PTPRN2: variants seen among roughly 807,000 people sequenced by gnomAD.
PTPRN2 encodes the protein receptor-type tyrosine-protein phosphatase N2.
A neutral mutation model predicts 118.8 loss-of-function variants in PTPRN2; 74 were observed. That is an observed-to-expected ratio of 0.62 (90% confidence interval 0.52 to 0.76). PTPRN2 has a LOEUF of 0.76. Among genes scored for constraint, PTPRN2 ranks in the 30% least tolerant of loss-of-function variants. The pLI, the probability that PTPRN2 is intolerant of heterozygous loss-of-function variation, is 0.00. For synonymous variants in PTPRN2, 641 were observed against 608.0 expected (o/e 1.05, Z -0.80); for missense variants, 1,481 against 1,394.4 (o/e 1.06, Z -0.99).
intron 3 of PTPRN2, among the ~76,000 whole-genome samples, chr7:158,295,216 G>A (rs34845049): frequency 8.7e-5 from 5 of 57,718 alleles, no homozygotes; most frequent in East Asian, 5.2e-4. Flanking sequence ...AAGCCCATGG[G>A]GCCCGCTGAC....
At position 157,779,670 on chromosome 7, in the gene PTPRN2, G is replaced by C. The variant is rs753660429; in HGVS notation, c.1789-96733C>G. On this transcript the variant is annotated intron_variant, in intron 12 of 22. Coordinates refer to ENST00000389418, the MANE Select transcript of PTPRN2 (RefSeq NM_002847.5). This position sits in a 1 kb window ranked among gnomAD's most constrained non-coding sequence, Gnocchi z 4.7. ...GCTGACCCTAGACTCTGGCCAGGAC[G>C]AGCTGGGGTGAGGGGCCCCGGCCAG... Among the ~76,000 whole-genome samples, 3 of 152,198 alleles carry C rather than the reference G, an allele frequency of 2.0e-5. No individual in the cohort carries two copies. The highest frequency in any genetic ancestry group is 4.4e-5 in the Non-Finnish European group (3 of 68,028).
chr7:158,011,882 T>C (rs145971588), intron 11 of PTPRN2, among the ~76,000 whole-genome samples: 1 of 152,218 alleles, frequency 6.6e-6, no homozygotes, highest in Non-Finnish European at 1.5e-5. Context: ...TAGATTGTTA[T>C]TTTACACTGA....
At chr7:158,144,169 G>A (rs1038687278) in intron 6 of PTPRN2, among the ~76,000 whole-genome samples, 4 of 152,216 alleles carry the variant, frequency 2.6e-5, no homozygotes, top group Non-Finnish European at 5.9e-5. Flanking sequence ...AATAAAGAAG[G>A]TTAAATGTTC....
intron 11 of PTPRN2, among the ~76,000 whole-genome samples, chr7:157,980,433 A>G (rs1376777039): frequency 6.6e-6 from 1 of 152,230 alleles, no homozygotes; most frequent in Non-Finnish European, 1.5e-5. Flanking sequence ...TCTAGGACTG[A>G]GCAGCCATAA....
chr7:158,068,210 T>G (rs1343085133), intron 11 of PTPRN2, among the ~76,000 whole-genome samples: 1 of 152,200 alleles, frequency 6.6e-6, no homozygotes, highest in Non-Finnish European at 1.5e-5. Context: ...AGTGTCCCTG[T>G]CACTCCTTCA....
intron 11 of PTPRN2, among the ~76,000 whole-genome samples, chr7:158,070,274 C>CCTGGTGGTGG (rs1563385956): frequency 7.0e-6 from 1 of 142,044 alleles, no homozygotes; most frequent in African/African-American, 3.1e-5. Context: ...TGGAGGTGCT[C>CCTGGTGGTGG]ATGGTGGAGG....
intron 3 of PTPRN2, among the ~76,000 whole-genome samples, chr7:158,229,345 A>G (rs531500172): frequency 1.3e-5 from 2 of 152,244 alleles, no homozygotes; most frequent in East Asian, 3.9e-4. Flanking sequence ...ACAGACACAC[A>G]TCAACAAGAA....
chr7:157,936,868 T>A (rs1286441467), intron 11 of PTPRN2, among the ~76,000 whole-genome samples: 1 of 152,252 alleles, frequency 6.6e-6, no homozygotes, highest in Non-Finnish European at 1.5e-5. Flanking sequence ...CGGTCATTCA[T>A]GCCATTTTCC....
At chr7:158,263,025 A>C (rs1797616229) in intron 3 of PTPRN2, among the ~76,000 whole-genome samples, 1 of 118,136 alleles carries the variant, frequency 8.5e-6, no homozygotes, top group Non-Finnish European at 1.8e-5. Flanking sequence ...CACAGTGCAC[A>C]CATACATATT....
At chr7:158,108,964 G>A (rs563171813) in intron 10 of PTPRN2, among the ~76,000 whole-genome samples, 5 of 152,336 alleles carry the variant, frequency 3.3e-5, no homozygotes, top group East Asian at 1.9e-4. Context: ...AGGAGCCAGT[G>A]AGTGAATGAC....
At chr7:158,205,300 GTCA>G in intron 3 of PTPRN2, 27 bp from the exon 4 acceptor site, 1 of 1,564,338 alleles carries the variant, frequency 6.4e-7, no homozygotes, top group South Asian at 1.1e-5. Context: ...CAAAAATTAT[GTCA>G]TCATTTTGGA....
rs111982960 is a variant in PTPRN2 at position 158,378,783 on chromosome 7, G to A, written c.164-61851C>T. ...AAAGAGGTGTTTTAATCAATACATT[G>A]AAGATAATGATAATTCCTTCCATGC... On this transcript the variant is annotated intron_variant, in intron 2 of 22. Transcript: ENST00000389418. Among the ~76,000 whole-genome samples, 1,092 of 152,250 alleles carry A rather than the reference G, an allele frequency of 7.2e-3. 11 individuals carry two copies. Among genetic ancestry groups the A allele is most frequent in the African/African-American group, 0.025 (1,039 of 41,518 alleles).
At chr7:157,833,830 C>T (rs61512179) in intron 12 of PTPRN2, among the ~76,000 whole-genome samples, 13,341 of 152,238 alleles carry the variant, frequency 0.088, 973 homozygotes, top group East Asian at 0.22. Context: ...AGTAACAAGC[C>T]GCTCATTTCC....
chr7:157,809,710 G>A (rs539782628), intron 12 of PTPRN2, among the ~76,000 whole-genome samples: 15 of 152,170 alleles, frequency 9.9e-5, no homozygotes, highest in Non-Finnish European at 2.2e-4. Context: ...GCCACAGAGA[G>A]TCGCCCGAGA....
At chr7:158,123,780 C>T (rs1036407231) in intron 9 of PTPRN2, among the ~76,000 whole-genome samples, 5 of 152,220 alleles carry the variant, frequency 3.3e-5, no homozygotes, top group Non-Finnish European at 5.9e-5. Flanking sequence ...TATAGCGTCA[C>T]CTTTAAAAAG....
At chr7:158,163,099 A>T (rs1937179669) in intron 6 of PTPRN2, among the ~76,000 whole-genome samples, 1 of 152,228 alleles carries the variant, frequency 6.6e-6, no homozygotes, top group African/African-American at 2.4e-5. Context: ...GAATCATCCC[A>T]GGGCAGAGCA....
At chr7:157,927,248 G>A (rs373995727) in intron 11 of PTPRN2, among the ~76,000 whole-genome samples, 8 of 50,182 alleles carry the variant, frequency 1.6e-4, no homozygotes, top group East Asian at 6.2e-4. Flanking sequence ...GAGGCCTCGC[G>A]TCTTCTGGGA....
rs532531756 is a variant in PTPRN2 at position 158,012,479 on chromosome 7, AAAG to A, written c.1723+68816_1723+68818del. Among the ~76,000 whole-genome samples the A allele has an allele frequency of 2.4e-4, 37 of 152,358 alleles. 1 individual carries two copies. The South Asian group carries it at 7.7e-3, about 32-fold the overall frequency. Reference sequence around the variant, plus strand: ...AATTTCCAAAATTCACAAAGCGTAGAAAGAAGATTGTTAAAAAGTATGTCCAGT... The same window carrying A: ...AATTTCCAAAATTCACAAAGCGTAGAAAGATTGTTAAAAAGTATGTCCAGT... On this transcript the variant is annotated intron_variant, in intron 11 of 22. Coordinates refer to ENST00000389418, the MANE Select transcript of PTPRN2 (RefSeq NM_002847.5).
At position 158,384,426 on chromosome 7, in the gene PTPRN2, G is replaced by A. The variant is rs117577209; in HGVS notation, c.164-67494C>T. On this transcript the variant is annotated intron_variant, in intron 2 of 22. Transcript: ENST00000389418. ...CACCCAACCTCCAGAGGTTTTTCCC[G>A]CTGATCTCAGTGAAAGGTAGGCACT... Among the ~76,000 whole-genome samples, 188 of 150,672 alleles carry A rather than the reference G, an allele frequency of 1.2e-3. No individual in the cohort carries two copies. The East Asian group carries it at 0.018, about 15-fold the overall frequency.
Sources: gnomAD v4.1 joint callset for allele counts (sites outside exome capture counted in the v4.1 genomes callset) on GRCh38, gnomAD v4.1.1 for gene constraint, Gnocchi (gnomAD v3.1) non-coding constraint, MANE v1.5 for transcripts, NCBI Gene and HGNC (gene_info 2026-07-23, HGNC 2026-07-21) for gene names.